RBMS3: variants seen among roughly 807,000 people sequenced by gnomAD.
The protein encoded by RBMS3 is RNA binding motif single stranded interacting protein 3.
RBMS3 carries 27 observed loss-of-function variants against 66.8 expected under a neutral mutation model. That is an observed-to-expected ratio of 0.40 (90% CI 0.30 to 0.56). RBMS3 has a LOEUF of 0.56. Ranked by LOEUF, RBMS3 falls within the 20% of genes least tolerant of loss-of-function variation. The pLI, the probability that RBMS3 is intolerant of heterozygous loss-of-function variation, is 0.40. For synonymous variants in RBMS3, 188 were observed against 183.0 expected, an observed-to-expected ratio of 1.03 and a Z score of -0.22; for missense variants, 513 against 549.5, an observed-to-expected ratio of 0.93 and a Z score of 0.66.
intron 1 of RBMS3, among the ~76,000 whole-genome samples, chr3:29,414,673 C>T (rs1242310416): frequency 1.3e-5 from 2 of 152,104 alleles, no homozygotes; most frequent in South Asian, 2.1e-4. Flanking sequence ...AAATCAGCCT[C>T]GCGACACACT....
At chr3:29,369,009 G>A (rs2038051338) in intron 1 of RBMS3, among the ~76,000 whole-genome samples, 1 of 152,126 alleles carries the variant, frequency 6.6e-6, no homozygotes, top group Admixed American at 6.6e-5. Context: ...CATGTCCTTT[G>A]CAGGAACATG....
chr3:29,961,147 G>A (rs1263171772), intron 12 of RBMS3, among the ~76,000 whole-genome samples: 2 of 152,044 alleles, frequency 1.3e-5, no homozygotes, highest in African/African-American at 4.8e-5. Flanking sequence ...ACCAGATACC[G>A]TAAATCATCT....
intron 4 of RBMS3, among the ~76,000 whole-genome samples, chr3:29,588,540 T>C (rs114238582): frequency 0.017 from 2,593 of 152,162 alleles, 83 homozygotes; most frequent in African/African-American, 0.059. Context: ...ACAGACCATA[T>C]CTGTTAACCT....
At chr3:29,885,244 T>A (rs778851732) in intron 8 of RBMS3, among the ~76,000 whole-genome samples, 2 of 151,818 alleles carry the variant, frequency 1.3e-5, no homozygotes, top group Non-Finnish European at 2.9e-5. Flanking sequence ...AAGTAAACAT[T>A]AATGGTAGAC....
At chr3:29,941,264 C>G (rs1253468741) in intron 11 of RBMS3, among the ~76,000 whole-genome samples, 1 of 151,794 alleles carries the variant, frequency 6.6e-6, no homozygotes, top group African/African-American at 2.4e-5. Flanking sequence ...CACTCCTTCA[C>G]TGCTCTGAAA....
At chr3:29,740,912 A>G (rs1358515225) in intron 5 of RBMS3, among the ~76,000 whole-genome samples, 3 of 151,942 alleles carry the variant, frequency 2.0e-5, no homozygotes, top group Non-Finnish European at 4.4e-5. Context: ...GTGGTGGCAC[A>G]TGGCTGTAGT....
intron 4 of RBMS3, among the ~76,000 whole-genome samples, chr3:29,707,804 G>A (rs909883109): frequency 2.0e-5 from 3 of 152,234 alleles, no homozygotes; most frequent in African/African-American, 7.2e-5. Flanking sequence ...TCAAGTGCCA[G>A]TAAGTCCATT....
chr3:29,986,072 A>G (rs1232644192), intron 12 of RBMS3, among the ~76,000 whole-genome samples: 1 of 152,178 alleles, frequency 6.6e-6, no homozygotes, highest in Non-Finnish European at 1.5e-5. Context: ...GGCAAGTTGC[A>G]AAGTTTAGAA....
intron 4 of RBMS3, among the ~76,000 whole-genome samples, chr3:29,720,651 T>C (rs1352200204): frequency 3.3e-5 from 5 of 151,882 alleles, no homozygotes; most frequent in African/African-American, 7.3e-5. Flanking sequence ...CTCACTAAAG[T>C]GTGTGGAAAT....
Position 29,498,924 on chromosome 3 carries a change from A to G in RBMS3, c.307+10425A>G, listed in dbSNP as rs975531619. Among the ~76,000 whole-genome samples the G allele has an allele frequency of 5.9e-5, 9 of 152,184 alleles. No homozygotes were observed. The South Asian group carries it at 1.2e-3, about 21-fold the overall frequency. On this transcript the variant is annotated intron_variant, in intron 3 of 14. Transcript: ENST00000383767. Reference sequence around the variant, plus strand: ...ATTAGCTTCGTTAATAGCAAAAAGTATAAGTACTTAAAGGATGTCTTAAAG... The same window carrying G: ...ATTAGCTTCGTTAATAGCAAAAAGTGTAAGTACTTAAAGGATGTCTTAAAG...
At chr3:29,717,214 G>A (rs1002880317) in intron 4 of RBMS3, among the ~76,000 whole-genome samples, 8 of 152,056 alleles carry the variant, frequency 5.3e-5, no homozygotes, top group African/African-American at 9.6e-5. Context: ...GTAATGCAAC[G>A]CACAGTGCTC....
chr3:29,480,393 G>A (rs912899789), intron 2 of RBMS3, among the ~76,000 whole-genome samples: 1 of 152,154 alleles, frequency 6.6e-6, no homozygotes, highest in Non-Finnish European at 1.5e-5. Flanking sequence ...TGAGGATTCA[G>A]CTTGTCTACA....
chr3:29,893,789 T>C (rs898620115), intron 8 of RBMS3, among the ~76,000 whole-genome samples: 5 of 151,544 alleles, frequency 3.3e-5, no homozygotes, highest in Middle Eastern at 3.2e-3. Context: ...GACCATCTTC[T>C]CTGGGCTCTC....
intron 3 of RBMS3, chr3:29,556,317 A>C (rs981393025): frequency 3.3e-5 from 5 of 152,296 alleles, no homozygotes; most frequent in African/African-American, 1.2e-4. Context: ...AAAATGAACA[A>C]GGTAAGCCGG....
At chr3:29,650,987 CT>C (rs1406057877) in intron 4 of RBMS3, among the ~76,000 whole-genome samples, 1 of 152,154 alleles carries the variant, frequency 6.6e-6, no homozygotes, top group Non-Finnish European at 1.5e-5. Flanking sequence ...TTCTATACCC[CT>C]GGATAAATCT....
chr3:29,484,144 T>C (rs1260008256), intron 2 of RBMS3, among the ~76,000 whole-genome samples: 3 of 152,222 alleles, frequency 2.0e-5, no homozygotes, highest in South Asian at 2.1e-4. Context: ...TGCAAAATCA[T>C]TGAGCAAAGC....
chr3:29,927,502 T>C (rs147663895), intron 10 of RBMS3, among the ~76,000 whole-genome samples: 1 of 152,252 alleles, frequency 6.6e-6, no homozygotes, highest in African/African-American at 2.4e-5. Context: ...TTGATCATGA[T>C]CAAAGTGTGT....
chr3:29,661,744 C>T (rs1318649203), intron 4 of RBMS3, among the ~76,000 whole-genome samples: 5 of 152,174 alleles, frequency 3.3e-5, no homozygotes, highest in South Asian at 2.1e-4. Context: ...CAAGCCAAGA[C>T]GTGGTACATG....
At chr3:29,483,919 A>G (rs535702008) in intron 2 of RBMS3, among the ~76,000 whole-genome samples, 7 of 152,210 alleles carry the variant, frequency 4.6e-5, no homozygotes, top group Non-Finnish European at 1.0e-4. Flanking sequence ...CACAATAGAC[A>G]TGTAAAGTTT....
Sources: allele counts gnomAD v4.1 joint callset (sites outside exome capture counted in the v4.1 genomes callset), GRCh38; gene constraint gnomAD v4.1.1; transcripts MANE v1.5; gene names NCBI Gene and HGNC (gene_info 2026-07-23, HGNC 2026-07-21).